DNAH5: variants seen among roughly 807,000 people sequenced by gnomAD.
The protein encoded by DNAH5 is axonemal beta dynein heavy chain 5.
Under a neutral mutation model 518.2 loss-of-function variants are expected in DNAH5, and 372 were observed. That is an observed-to-expected ratio of 0.72 (90% CI 0.66 to 0.78). The LOEUF is 0.78. Ranked by LOEUF, DNAH5 falls within the 30% of genes least tolerant of loss-of-function variation. The pLI is 0.00. For missense variants in DNAH5, 5,523 were observed against 5,687.0 expected, an observed-to-expected ratio of 0.97 and a Z score of 0.93; for synonymous variants, 2,039 against 2,025.9, an observed-to-expected ratio of 1.01 and a Z score of -0.17.
chr5:13,886,472 T>G (rs746587298), intron 17 of DNAH5, among the ~76,000 whole-genome samples: 15 of 152,262 alleles, frequency 9.9e-5, no homozygotes, highest in Non-Finnish European at 1.9e-4. Flanking sequence ...TTTCTCTCCT[T>G]GTTTTTGCCA....
At position 13,735,285 on chromosome 5, in the gene DNAH5, AGCAATCCTCTT is replaced by A; in HGVS notation, c.11596_11606del (p.Lys3866Ter). 6.2e-7 allele frequency: 1 copy of A among 1,614,134 alleles called. No homozygotes were observed. The highest frequency in any genetic ancestry group is 8.5e-7 in the Non-Finnish European group (1 of 1,180,004). On this transcript the variant is annotated frameshift_variant, in exon 68 of 79. Coordinates refer to ENST00000265104, the MANE Select transcript of DNAH5 (RefSeq NM_001369.3). LOFTEE classifies it high-confidence loss of function. ...CGTAGGTCATGTGCTCGATGATATT[AGCAATCCTCTT>A]GCTTGTAATCGGGCTCTTGACAGAC...
chr5:13,835,008 A>G (rs1304677305), intron 35 of DNAH5, among the ~76,000 whole-genome samples: 2 of 152,132 alleles, frequency 1.3e-5, no homozygotes, highest in Non-Finnish European at 2.9e-5. Context: ...AGGTCAGGAT[A>G]AGAGTAGTAA....
At chr5:13,727,938 A>G (rs1745972303) in intron 69 of DNAH5, among the ~76,000 whole-genome samples, 1 of 152,210 alleles carries the variant, frequency 6.6e-6, no homozygotes, top group African/African-American at 2.4e-5. Flanking sequence ...ACAAATTTGT[A>G]AAGAATACAA....
At chr5:13,734,532 C>A (rs1747074848) in intron 68 of DNAH5, among the ~76,000 whole-genome samples, 1 of 152,164 alleles carries the variant, frequency 6.6e-6, no homozygotes, top group Non-Finnish European at 1.5e-5. Context: ...GGGTCTTCAT[C>A]CGCTTCACTC....
chr5:13,929,507 A>T (rs1034263474), intron 2 of DNAH5, among the ~76,000 whole-genome samples: 1 of 152,236 alleles, frequency 6.6e-6, no homozygotes, highest in Non-Finnish European at 1.5e-5. Context: ...ACTACATCTT[A>T]AAATAATGTT....
chr5:13,952,139 G>C (rs993701397), intron 1 of DNAH5, among the ~76,000 whole-genome samples: 2 of 51,172 alleles, frequency 3.9e-5, no homozygotes, highest in Non-Finnish European at 8.9e-5. Flanking sequence ...TAATTAACTA[G>C]AGGGATCTCC....
intron 40 of DNAH5, among the ~76,000 whole-genome samples, chr5:13,820,841 A>AAAAAAAAAAAAAAAAAAG (rs1198738015): frequency 7.3e-6 from 1 of 137,560 alleles, no homozygotes. Flanking sequence ...AAAAAAAAAA[A>AAAAAAAAAAAAAAAAAAG]AAACACATCA....
intron 32 of DNAH5, among the ~76,000 whole-genome samples, chr5:13,842,427 G>GA (rs370417952): frequency 3.8e-3 from 136 of 35,522 alleles, no homozygotes; most frequent in Middle Eastern, 0.012. Context: ...GAAAAGAAAA[G>GA]AAAGAAAGAA....
At chr5:13,741,747 G>C (rs1039283044) in intron 65 of DNAH5, among the ~76,000 whole-genome samples, 2 of 152,164 alleles carry the variant, frequency 1.3e-5, no homozygotes, top group Non-Finnish European at 2.9e-5. Flanking sequence ...CCTGAAGACA[G>C]GTAAGGGAAG....
intron 1 of DNAH5, among the ~76,000 whole-genome samples, chr5:14,006,570 T>C (rs57423167): frequency 0.018 from 2,795 of 152,294 alleles, 89 homozygotes; most frequent in African/African-American, 0.064. Context: ...TCATATCGGA[T>C]TGGAGCCCAC....
intron 1 of DNAH5, among the ~76,000 whole-genome samples, chr5:13,943,621 G>A (rs1779661287): frequency 6.6e-6 from 1 of 152,216 alleles, no homozygotes; most frequent in Non-Finnish European, 1.5e-5. Context: ...GCTTGGGCAA[G>A]TGAGGGGTGG....
chr5:13,920,673 G>A, intron 5 of DNAH5, 56 bp from the exon 6 acceptor site: 3 of 1,597,058 alleles, frequency 1.9e-6, no homozygotes, highest in Non-Finnish European at 2.6e-6. Context: ...CACACAGACT[G>A]TGGGCCCTGT....
Position 14,007,939 on chromosome 5 carries a change from G to A in DNAH5, c.12+3709C>T, listed in dbSNP as rs567669601. ...TGTAATCCCAGCACTTTGGGAGGCCGAGGTGAGCGGATCACCTGAGGTGAG... is the reference window on the plus strand; with the variant it reads ...TGTAATCCCAGCACTTTGGGAGGCCAAGGTGAGCGGATCACCTGAGGTGAG... On this transcript the variant is annotated intron_variant, in intron 1 of 78. Coordinates refer to the DNAH5 transcript ENST00000681290. Among the ~76,000 whole-genome samples the A allele has an allele frequency of 1.4e-3, 208 of 152,216 alleles. 1 individual carries two copies. The highest frequency in any genetic ancestry group is 4.9e-3 in the African/African-American group (204 of 41,530).
At chr5:13,883,230 T>A in intron 19 of DNAH5, 136 bp from the exon 20 acceptor site, 1 of 983,978 alleles carries the variant, frequency 1.0e-6, no homozygotes, top group Non-Finnish European at 1.5e-6. Flanking sequence ...AATGAGTCAA[T>A]TAAAACTAAT....
At chr5:13,956,872 G>C (rs1385986003) in intron 1 of DNAH5, among the ~76,000 whole-genome samples, 1 of 152,162 alleles carries the variant, frequency 6.6e-6, no homozygotes, top group East Asian at 1.9e-4. Flanking sequence ...ACTTACCATG[G>C]CTCAGCTAAG....
chr5:13,871,661 A>C lies in DNAH5; in HGVS notation c.3501T>G (p.Ser1167=). The change falls in exon 23 of 79, where the codon TCT becomes TCG. Residue 1167 remains serine, a synonymous_variant. Transcript: ENST00000265104. ...AATAGAGAATCTGGGACTCAAATTC[A>C]GAAAGCAAGGGGCTCTGTGTAATAA... is the stretch of plus-strand genomic sequence containing the variant. ...KTFITQSPLL[S]EFESQILYFQ... 1 of 1,613,844 alleles carries C rather than the reference A, an allele frequency of 6.2e-7. No individual in the cohort carries two copies. The highest frequency in any genetic ancestry group is 8.5e-7 in the Non-Finnish European group (1 of 1,179,796).
chr5:13,988,358 T>A (rs189576001), intron 1 of DNAH5, among the ~76,000 whole-genome samples: 2 of 152,294 alleles, frequency 1.3e-5, no homozygotes, highest in African/African-American at 4.8e-5. Flanking sequence ...TGTTGTACTT[T>A]AATTGGAAGG....
At chr5:13,949,907 T>C (rs1780250001) in intron 1 of DNAH5, among the ~76,000 whole-genome samples, 1 of 152,212 alleles carries the variant, frequency 6.6e-6, no homozygotes, top group Admixed American at 6.5e-5. Context: ...TTAGGTGGCC[T>C]CTGATTAACA....
chr5:13,771,325 C>G, intron 55 of DNAH5: 1 of 313,308 alleles, frequency 3.2e-6, no homozygotes, highest in Non-Finnish European at 6.1e-6. Context: ...ACTCAGAAAT[C>G]AGTGCCCACC....
Sources: gnomAD v4.1 joint callset for allele counts (sites outside exome capture counted in the v4.1 genomes callset) on GRCh38, gnomAD v4.1.1 for gene constraint, MANE v1.5 for transcripts, NCBI Gene and HGNC (gene_info 2026-07-23, HGNC 2026-07-21) for gene names.